The following ZCCHC14 variants were observed in gnomAD, a reference collection of about 807,000 sequenced individuals.
ZCCHC14 encodes the protein zinc finger CCHC-type containing 14.
ZCCHC14 carries 16 observed loss-of-function variants against 85.0 expected under a neutral mutation model. That is an observed-to-expected ratio of 0.19 (90% CI 0.13 to 0.29). The LOEUF is 0.29. ZCCHC14 is among the 10% of genes least tolerant of loss of function. The pLI is 1.00. For missense variants in ZCCHC14, 1,303 were observed against 1,443.5 expected (o/e 0.90, Z 1.58); for synonymous variants, 775 against 630.7 (o/e 1.23, Z -3.43).
chr16:87,413,085 T>C lies in ZCCHC14; in HGVS notation c.1714A>G (p.Ser572Gly). The change falls in exon 11 of 13, where the codon AGC becomes GGC. Residue 572 changes from serine (S) to glycine (G), a missense_variant. Ser to Gly is a moderately conservative substitution (Grantham distance 56). Coordinates refer to ENST00000671377, the MANE Select transcript of ZCCHC14 (RefSeq NM_015144.3). ...SPMGVQAREE[S>G]SDSAEENDRR... ...TCATTCTCCTCAGCGCTGTCGGAGC[T>C]CTCTTCCCGGGCCTGTACCCCCATG... is the stretch of plus-strand genomic sequence containing the variant. 1 of 1,614,048 alleles carries C rather than the reference T, an allele frequency of 6.2e-7. No homozygotes were observed. Among genetic ancestry groups the C allele is most frequent in the African/African-American group, 1.3e-5 (1 of 75,028 alleles).
intron 2 of ZCCHC14, among the ~76,000 whole-genome samples, chr16:87,437,193 G>C (rs772280050): frequency 2.6e-5 from 4 of 151,860 alleles, no homozygotes; most frequent in Non-Finnish European, 5.9e-5. Context: ...AAAATTAGCC[G>C]GGCGTGGTGG....
intron 3 of ZCCHC14, among the ~76,000 whole-genome samples, chr16:87,424,877 G>A (rs956703188): frequency 9.9e-5 from 15 of 152,150 alleles, no homozygotes; most frequent in African/African-American, 3.6e-4. Context: ...AAGTCCACAA[G>A]AAGCTGGGGG....
chr16:87,441,831 T>A (rs992416198), intron 2 of ZCCHC14, among the ~76,000 whole-genome samples: 2 of 152,194 alleles, frequency 1.3e-5, no homozygotes, highest in African/African-American at 2.4e-5. Flanking sequence ...TATGAAAACG[T>A]AGTGTTGGGG....
At chr16:87,440,127 C>G (rs1002560528) in intron 2 of ZCCHC14, among the ~76,000 whole-genome samples, 1 of 152,114 alleles carries the variant, frequency 6.6e-6, no homozygotes, top group African/African-American at 2.4e-5. Flanking sequence ...TTTGAATTCA[C>G]TGACTGAAAT....
At chr16:87,411,357 G>T in intron 12 of ZCCHC14, 159 bp downstream of exon 12, 1 of 1,502,348 alleles carries the variant, frequency 6.7e-7, no homozygotes, top group Non-Finnish European at 8.8e-7. Context: ...TCCTTCTGGG[G>T]ACCTCACGGC....
intron 1 of ZCCHC14, among the ~76,000 whole-genome samples, chr16:87,490,675 G>C (rs1300516418): frequency 6.6e-6 from 1 of 152,180 alleles, no homozygotes; most frequent in Non-Finnish European, 1.5e-5. Flanking sequence ...CCTGGGTTTT[G>C]TTTCTAAGGG....
chr16:87,460,255 TATA>T, intron 1 of ZCCHC14, 124 bp from the exon 2 acceptor site: 1 of 1,283,630 alleles, frequency 7.8e-7, no homozygotes, highest in Non-Finnish European at 1.1e-6. Flanking sequence ...CATGTATTAT[TATA>T]ATAATAAGCC....
chr16:87,465,349 CGGAA>C (rs1666952517), intron 1 of ZCCHC14, among the ~76,000 whole-genome samples: 1 of 152,230 alleles, frequency 6.6e-6, no homozygotes, highest in African/African-American at 2.4e-5. Flanking sequence ...CAGAATCAAA[CGGAA>C]AGCACTTCTA....
intron 1 of ZCCHC14, among the ~76,000 whole-genome samples, chr16:87,486,002 A>G (rs1912499881): frequency 6.6e-6 from 1 of 152,216 alleles, no homozygotes; most frequent in Admixed American, 6.5e-5. Flanking sequence ...CAGAATTTCC[A>G]GTTTCTACAA....
chr16:87,444,731 C>T (rs752646399), intron 2 of ZCCHC14, among the ~76,000 whole-genome samples: 7 of 152,090 alleles, frequency 4.6e-5, no homozygotes, highest in Non-Finnish European at 7.4e-5. Flanking sequence ...CTAAAGTATC[C>T]GGGTCATGAA....
In ZCCHC14 at chr16:87,412,743, T is replaced by C. The variant is rs1908537649; in HGVS notation, c.1978A>G (p.Met660Val). Reference protein sequence around the residue: ...VHKPERGSADMKLLSSSVHSL... With the variant: ...VHKPERGSADVKLLSSSVHSL... ...TGCACAGAAGACGAGAGGAGCTTCA[T>C]GTCCGCGCTCCCTCTTTCCGGCTTG... Residue 660 changes from methionine (M) to valine (V), a missense_variant, in exon 12 of 13, where the codon ATG (methionine) becomes GTG (valine). Around this residue, in one of 7 missense-constraint regions of ZCCHC14, gnomAD observed 797 missense variants for 730.8 expected, o/e 1.09. Transcript: ENST00000671377. The C allele has an allele frequency of 2.5e-6, 4 of 1,614,240 alleles. No homozygotes were observed. Among genetic ancestry groups the C allele is most frequent in the Non-Finnish European group, 3.4e-6 (4 of 1,180,042 alleles).
chr16:87,415,273 C>T lies in ZCCHC14; in HGVS notation c.1475+3G>A. Reference sequence around the variant, plus strand: ...CAGGTTTCAAAACCCACTTCACACTCACTTTTCCAGCTCCAGCTGGGTCTT... The same window carrying T: ...CAGGTTTCAAAACCCACTTCACACTTACTTTTCCAGCTCCAGCTGGGTCTT... On this transcript the variant is annotated splice_donor_region_variant and intron_variant, in intron 9 of 12. Transcript: ENST00000671377. 1 of 1,613,868 alleles carries T rather than the reference C, an allele frequency of 6.2e-7. No individual in the cohort carries two copies. The highest frequency in any genetic ancestry group is 1.1e-5 in the South Asian group (1 of 91,018).
intron 1 of ZCCHC14, among the ~76,000 whole-genome samples, chr16:87,488,857 C>CGTAA (rs1313141684): frequency 6.6e-6 from 1 of 152,176 alleles, no homozygotes; most frequent in Admixed American, 6.5e-5. Context: ...GGACTACAGG[C>CGTAA]GTAAGCCACC....
chr16:87,458,349 G>A (rs1654500332), intron 2 of ZCCHC14, among the ~76,000 whole-genome samples: 1 of 152,182 alleles, frequency 6.6e-6, no homozygotes, highest in Admixed American at 6.5e-5. Flanking sequence ...CTCTGGGGTT[G>A]GAGCATCGCG....
intron 3 of ZCCHC14, among the ~76,000 whole-genome samples, chr16:87,425,109 C>T (rs1380019366): frequency 2.0e-5 from 3 of 152,108 alleles, no homozygotes; most frequent in Admixed American, 6.6e-5. Flanking sequence ...AGCGTCACTC[C>T]TGGGTCTGTT....
At chr16:87,456,962 A>C (rs1910998740) in intron 2 of ZCCHC14, among the ~76,000 whole-genome samples, 1 of 152,266 alleles carries the variant, frequency 6.6e-6, no homozygotes, top group Admixed American at 6.5e-5. Context: ...TACAGAACTT[A>C]CTTTGTTGAG....
intron 3 of ZCCHC14, among the ~76,000 whole-genome samples, chr16:87,427,439 T>G (rs570230553): frequency 2.0e-5 from 3 of 152,206 alleles, no homozygotes; most frequent in Admixed American, 1.3e-4. Flanking sequence ...GACAGAGTTT[T>G]GCTCTGCTGC....
chr16:87,423,942 C>T, intron 3 of ZCCHC14, 61 bp from the exon 4 acceptor site: 3 of 1,576,938 alleles, frequency 1.9e-6, no homozygotes, highest in East Asian at 2.3e-5. Flanking sequence ...GTTCCCAGCA[C>T]GTGTCCTGGT....
In ZCCHC14 at chr16:87,420,803, G is replaced by C; in HGVS notation, c.841-87C>G. ...GCTACTGCAGGAAAACCTGGGGCAG[G>C]TGCTCCATGGTGCCGCCTGCTGGTC... On this transcript the variant is annotated intron_variant, in intron 4 of 12. Transcript: ENST00000671377. The surrounding 1 kb of genome is among the most constrained non-coding windows in gnomAD (Gnocchi z 5.0). 9.5e-7 allele frequency: 1 copy of C among 1,056,430 alleles called. No homozygotes were observed. The highest frequency in any genetic ancestry group is 1.4e-6 in the Non-Finnish European group (1 of 727,644). The allele number at this position is 1,056,430 out of a possible 1,614,324, so 65.4% of individuals were successfully genotyped here.
Sources: gnomAD v4.1 joint callset for allele counts (sites outside exome capture counted in the v4.1 genomes callset) on GRCh38, gnomAD v4.1.1 for gene constraint, gnomAD v4.1.1 regional missense constraint, Gnocchi (gnomAD v3.1) non-coding constraint, MANE v1.5 for transcripts, NCBI Gene and HGNC (gene_info 2026-07-23, HGNC 2026-07-21) for gene names.